Variants in TXNRD2 observed in about 807,000 individuals in gnomAD.
TXNRD2 encodes thioredoxin reductase 2.
A neutral mutation model predicts 70.8 loss-of-function variants in TXNRD2; 67 were observed. The ratio of observed to expected loss-of-function variants is 0.95; its 90% CI spans 0.78 to 1.16. The LOEUF (loss-of-function observed/expected upper bound fraction) is 1.16. Among genes scored for constraint, TXNRD2 ranks in the 50% most tolerant of loss-of-function variants. The probability of loss-of-function intolerance (pLI) is 0.00; values close to 1 mark genes in which losing one functional copy is unlikely to be tolerated. For missense variants in TXNRD2, 644 were observed against 719.9 expected (o/e 0.89, Z 1.21); for synonymous variants, 301 against 295.8 (o/e 1.02, Z -0.18).
intron 11 of TXNRD2, chr22:19,894,675 AACATTTAATATGCT>A: frequency 5.4e-6 from 1 of 184,988 alleles, no homozygotes; most frequent in Non-Finnish European, 1.1e-5. Flanking sequence ...GAAGCAGCAA[AACATTTAATATGCT>A]AAAGAAAAAA....
chr22:19,925,154 T>G (rs9606181), intron 2 of TXNRD2, among the ~76,000 whole-genome samples: 40,181 of 151,428 alleles, frequency 0.27, 6,434 homozygotes, highest in Non-Finnish European at 0.34. Context: ...CATGGTGGCA[T>G]GCGCCTGTAG....
chr22:19,898,510 CTTTTTTT>C (rs386394954), intron 9 of TXNRD2, among the ~76,000 whole-genome samples: 1 of 94,388 alleles, frequency 1.1e-5, no homozygotes, highest in South Asian at 4.1e-4. Flanking sequence ...CGGCTTGGGG[CTTTTTTT>C]TTTTTTTTTT....
chr22:19,925,096 A>T (rs180834747), intron 2 of TXNRD2, among the ~76,000 whole-genome samples: 1 of 151,782 alleles, frequency 6.6e-6, no homozygotes, highest in African/African-American at 2.4e-5. Context: ...CATCCTGGCT[A>T]ACACGGCGAA....
intron 11 of TXNRD2, among the ~76,000 whole-genome samples, chr22:19,885,128 G>T (rs1234714732): frequency 6.6e-6 from 1 of 152,194 alleles, no homozygotes; most frequent in Admixed American, 6.5e-5. Context: ...TAGCCGAACA[G>T]CCAGCAGAGG....
rs572117327 is a variant in TXNRD2, at chr22:19,931,976, C to T, written c.104-878G>A. ...GAGATCGAGACCATCCTGGCTAACA[C>T]AGTGAAACCCCGTCTCTACTAAAAA... On this transcript the variant is annotated intron_variant, in intron 1 of 17. Transcript: ENST00000400521. Among the ~76,000 whole-genome samples, 11 of 151,818 alleles carry T rather than the reference C, an allele frequency of 7.2e-5. No individual in the cohort carries two copies. In the East Asian group the frequency reaches 2.1e-3, roughly 30 times the overall value.
Position 19,895,230 on chromosome 22 carries a change from TGTGA to T in TXNRD2, c.949+173_949+176del, listed in dbSNP as rs776280285. 20 of 1,595,870 alleles carry T rather than the reference TGTGA, an allele frequency of 1.3e-5. No homozygotes were observed. In the African/African-American group the frequency reaches 2.5e-4, roughly 20 times the overall value. ...GGATGGCAAGATGGGCACAGCCTAG[TGTGA>T]GTGCCGCCCCACAGGCCTTCACGGT... On this transcript the variant is annotated intron_variant, in intron 11 of 17. Transcript: ENST00000400521.
intron 11 of TXNRD2, among the ~76,000 whole-genome samples, chr22:19,893,631 C>T (rs1939363296): frequency 6.6e-6 from 1 of 152,220 alleles, no homozygotes; most frequent in Non-Finnish European, 1.5e-5. Context: ...GTCCACACTC[C>T]CCACACCTGC....
At chr22:19,892,549 T>C (rs1400927977) in intron 11 of TXNRD2, among the ~76,000 whole-genome samples, 1 of 152,302 alleles carries the variant, frequency 6.6e-6, no homozygotes, top group Middle Eastern at 3.4e-3. Context: ...CTCTGCTGAG[T>C]AGGGAGGGGC....
intron 4 of TXNRD2, 30 bp from the exon 5 acceptor site, chr22:19,918,247 C>G: frequency 6.3e-7 from 1 of 1,598,656 alleles, no homozygotes; most frequent in Middle Eastern, 1.7e-4. Flanking sequence ...AATGTAAAAT[C>G]CACAACACAG....
chr22:19,919,081 G>A (rs1601455486), intron 3 of TXNRD2, 77 bp from the exon 4 acceptor site: 2 of 1,490,174 alleles, frequency 1.3e-6, no homozygotes, highest in Admixed American at 1.9e-5. Context: ...TAGAGTGTTT[G>A]GAATTCCTTA....
chr22:19,933,523 G>A, intron 1 of TXNRD2: 1 of 1,288,590 alleles, frequency 7.8e-7, no homozygotes, highest in Non-Finnish European at 1.0e-6. Flanking sequence ...TGCCCCCTCT[G>A]TCTGCTATCA....
At chr22:19,928,578 G>A (rs924183646) in intron 2 of TXNRD2, among the ~76,000 whole-genome samples, 4 of 152,308 alleles carry the variant, frequency 2.6e-5, no homozygotes, top group African/African-American at 4.8e-5. Context: ...GGGGGAAGCC[G>A]GAAGGAACTG....
intron 7 of TXNRD2, 130 bp from the exon 8 acceptor site, chr22:19,911,577 G>T: frequency 1.3e-6 from 1 of 747,636 alleles, no homozygotes; most frequent in Non-Finnish European, 2.4e-6. Flanking sequence ...GGGCTTCCCT[G>T]CTGCCAGTCC....
intron 1 of TXNRD2, among the ~76,000 whole-genome samples, chr22:19,933,912 T>A (rs868466143): frequency 6.6e-6 from 1 of 152,244 alleles, no homozygotes; most frequent in Non-Finnish European, 1.5e-5. Flanking sequence ...GTCTTGCCTC[T>A]GCCTTCTGAC....
At chr22:19,931,334 C>G (rs535845949) in intron 1 of TXNRD2, among the ~76,000 whole-genome samples, 3 of 152,308 alleles carry the variant, frequency 2.0e-5, no homozygotes, top group Admixed American at 2.0e-4. Context: ...CACACGCACA[C>G]CATACCAACC....
intron 2 of TXNRD2, among the ~76,000 whole-genome samples, chr22:19,922,453 C>T (rs1357557822): frequency 1.3e-5 from 2 of 152,044 alleles, no homozygotes; most frequent in Admixed American, 6.6e-5. Flanking sequence ...ATTAAGTATT[C>T]AAATGGTTTG....
chr22:19,900,444 GC>G (rs1390113851), intron 8 of TXNRD2, among the ~76,000 whole-genome samples: 3 of 152,170 alleles, frequency 2.0e-5, no homozygotes, highest in Non-Finnish European at 2.9e-5. Flanking sequence ...AAAGGTACAA[GC>G]TTTTGTTTAA....
At chr22:19,885,708 C>T (rs1938997746) in intron 11 of TXNRD2, among the ~76,000 whole-genome samples, 1 of 152,218 alleles carries the variant, frequency 6.6e-6, no homozygotes, top group South Asian at 2.1e-4. Flanking sequence ...CTGGTGCCTG[C>T]TCCGTGCCGG....
At position 19,939,248 on chromosome 22, in the gene TXNRD2, G is replaced by A. The variant is rs141128317; in HGVS notation, c.103+2453C>T. ...AGAAACTGGCATGCCAAATCAAAAT[G>A]GGTCTGGTTCAATCCTCCCTAATGG... is the stretch of plus-strand genomic sequence containing the variant. On this transcript the variant is annotated intron_variant, in intron 1 of 17. Transcript: ENST00000400521. 6.4e-3 allele frequency among the ~76,000 whole-genome samples: 971 copies of A among 152,238 alleles called. 7 individuals are homozygous for A. Among genetic ancestry groups the A allele is most frequent in the African/African-American group, 0.022 (912 of 41,524 alleles).
Sources: allele counts gnomAD v4.1 joint callset (sites outside exome capture counted in the v4.1 genomes callset), GRCh38; gene constraint gnomAD v4.1.1; transcripts MANE v1.5; gene names NCBI Gene and HGNC (gene_info 2026-07-23, HGNC 2026-07-21).